CASK: variants seen among roughly 807,000 people sequenced by gnomAD.
CASK encodes calcium/calmodulin dependent serine protein kinase, also known as peripheral plasma membrane protein CASK.
Under a neutral mutation model 82.9 loss-of-function variants are expected in CASK, and 4 were observed. That is an observed-to-expected ratio of 0.05 (90% CI 0.02 to 0.11). The LOEUF (loss-of-function observed/expected upper bound fraction) is 0.11. Among genes scored for constraint, CASK ranks in the 10% least tolerant of loss-of-function variants. The pLI, the probability that CASK is intolerant of heterozygous loss-of-function variation, is 1.00. For synonymous variants in CASK, 259 were observed against 253.5 expected (o/e 1.02, Z -0.20); for missense variants, 358 against 720.9 (o/e 0.50, Z 5.76).
At chrX:41,640,879 AT>A (rs1343865398) in intron 8 of CASK, among the ~76,000 whole-genome samples, 1 of 109,362 alleles carries the variant, frequency 9.1e-6, no homozygotes, top group Admixed American at 1.0e-4. Flanking sequence ...GTCAAAATGT[AT>A]TTTTTTAAAT....
chrX:41,679,229 T>C (rs1329983822), intron 5 of CASK, among the ~76,000 whole-genome samples: 2 of 111,940 alleles, frequency 1.8e-5, no homozygotes, highest in Non-Finnish European at 3.8e-5. Context: ...AAAAAATTCA[T>C]TATCCCACAA....
chrX:41,604,110 TAATTAATGGATGACAG>T (rs1370476827), intron 12 of CASK, among the ~76,000 whole-genome samples: 4 of 109,410 alleles, frequency 3.7e-5, no homozygotes, highest in African/African-American at 6.7e-5. Context: ...CAATAAAGCA[TAATTAATGGATGACAG>T]GGTAACATTT....
At chrX:41,746,059 T>C (rs1052823625) in intron 3 of CASK, among the ~76,000 whole-genome samples, 1 of 112,223 alleles carries the variant, frequency 8.9e-6, no homozygotes, top group Non-Finnish European at 1.9e-5. Context: ...CAATGACATA[T>C]ATAAAATAAA....
intron 1 of CASK, among the ~76,000 whole-genome samples, chrX:41,912,300 G>GTTTTTTTTT (rs774775542): frequency 1.3e-4 from 7 of 53,167 alleles, no homozygotes; most frequent in Admixed American, 5.1e-4. Context: ...TTTGTTTTCT[G>GTTTTTTTTT]TTTTTTTTTT....
At chrX:41,641,029 A>G (rs1338603557) in intron 8 of CASK, among the ~76,000 whole-genome samples, 1 of 82,127 alleles carries the variant, frequency 1.2e-5, no homozygotes, top group Non-Finnish European at 2.2e-5. Context: ...CTTGTTGCCC[A>G]GGCTGGAGTG....
chrX:41,791,081 T>C lies in CASK; in HGVS notation c.173-3798A>G, dbSNP rs765061190. ...TTACCATCTCTATTTTGAAGTATTG[T>C]TTTGTTTACAGACTAGTAACTGGTA... On this transcript the variant is annotated intron_variant, in intron 2 of 26. Coordinates refer to ENST00000378163, the MANE Select transcript of CASK (RefSeq NM_001367721.1). Among the ~76,000 whole-genome samples the C allele has an allele frequency of 1.2e-3, 129 of 111,531 alleles. 1 individual carries two copies. The highest frequency in any genetic ancestry group is 4.6e-3 in the Middle Eastern group (1 of 216).
chrX:41,549,928 G>C (rs1307407747), intron 21 of CASK, among the ~76,000 whole-genome samples: 1 of 110,574 alleles, frequency 9.0e-6, no homozygotes, highest in Non-Finnish European at 1.9e-5. Flanking sequence ...GGGAGGCTGA[G>C]GCAGGCAGAT....
intron 8 of CASK, 63 bp from the exon 9 acceptor site, chrX:41,636,724 A>G: frequency 1.5e-6 from 1 of 683,307 alleles, no homozygotes. Flanking sequence ...AGCTTAATCT[A>G]AAACAAATAA....
rs754649308 is a variant in CASK, at chrX:41,865,957, C to T, written c.60-12730G>A. ...TCTCCTTAAGCCATGAGGTGGAGGG[C>T]AGGAAGACACATGGCTTCGCTGCGG... On this transcript the variant is annotated intron_variant, in intron 1 of 26. Transcript: ENST00000378163. 9.8e-5 allele frequency among the ~76,000 whole-genome samples: 11 copies of T among 112,173 alleles called. No individual in the cohort carries two copies. The East Asian group carries it at 2.5e-3, about 26-fold the overall frequency.
chrX:41,602,735 T>C (rs2065910243), intron 12 of CASK, among the ~76,000 whole-genome samples: 1 of 107,701 alleles, frequency 9.3e-6, no homozygotes, highest in Admixed American at 9.9e-5. Flanking sequence ...TTTTTTTTTT[T>C]TGCTAAGTTT....
intron 1 of CASK, among the ~76,000 whole-genome samples, chrX:41,921,450 AAATT>A (rs1274978534): frequency 8.9e-6 from 1 of 112,356 alleles, no homozygotes; most frequent in Non-Finnish European, 1.9e-5. Flanking sequence ...TATTTTATTA[AAATT>A]AATTGCACCT....
intron 5 of CASK, among the ~76,000 whole-genome samples, chrX:41,693,470 C>T (rs1331466330): frequency 1.4e-4 from 15 of 110,112 alleles, no homozygotes; most frequent in Non-Finnish European, 2.7e-4. Context: ...AAAAATTAGC[C>T]GGGCATGGTG....
Position 41,665,851 on chromosome X carries a change from T to C in CASK, c.533-399A>G, listed in dbSNP as rs1471585957. The C allele has an allele frequency of 3.2e-5, 4 of 126,659 alleles. No homozygotes were observed. The South Asian group carries it at 9.0e-4, about 29-fold the overall frequency. The allele number at this position is 126,659 out of a possible 1,213,427, so 10.4% of individuals were successfully genotyped here. A position where few individuals can be genotyped will look rare whatever the true frequency, so the allele number is the denominator to read the frequency against. On this transcript the variant is annotated intron_variant, in intron 6 of 26. Transcript: ENST00000378163. ...GAGCCTGTAGCTGTCCAGGAAAGAG[T>C]TGGGAGGCCTACCCTGGGCAGAGGC...
intron 11 of CASK, among the ~76,000 whole-genome samples, chrX:41,611,933 G>A (rs1338783717): frequency 1.4e-4 from 16 of 111,714 alleles, no homozygotes; most frequent in Middle Eastern, 4.7e-3. Context: ...GCTCCTAACC[G>A]CGAGTGATCC....
At chrX:41,723,186 C>T (rs1223942499) in intron 5 of CASK, among the ~76,000 whole-genome samples, 1 of 112,030 alleles carries the variant, frequency 8.9e-6, no homozygotes, top group African/African-American at 3.2e-5. Context: ...TGAGAAATGG[C>T]AAGGTACTTC....
chrX:41,899,176 TG>T (rs1187704050), intron 1 of CASK, among the ~76,000 whole-genome samples: 1 of 111,892 alleles, frequency 8.9e-6, no homozygotes, highest in East Asian at 2.8e-4. Flanking sequence ...TTATCCTTTT[TG>T]TCTCTTGTGA....
intron 10 of CASK, among the ~76,000 whole-genome samples, chrX:41,625,210 G>GAAGGGAAA (rs1199218599): frequency 1.0e-5 from 1 of 95,887 alleles, no homozygotes; most frequent in African/African-American, 3.9e-5. Flanking sequence ...TTTTGAGACG[G>GAAGGGAAA]AGTCTCACTC....
chrX:41,778,809 T>C (rs1208705041), intron 3 of CASK, among the ~76,000 whole-genome samples: 1 of 109,501 alleles, frequency 9.1e-6, no homozygotes, highest in Non-Finnish European at 1.9e-5. Flanking sequence ...TACAAAAATC[T>C]GACCACCTAA....
At chrX:41,641,540 A>G (rs2066653570) in intron 8 of CASK, among the ~76,000 whole-genome samples, 1 of 111,900 alleles carries the variant, frequency 8.9e-6, no homozygotes, top group African/African-American at 3.2e-5. Context: ...ATTCACACCA[A>G]GTATCATTAA....
Sources: allele counts gnomAD v4.1 joint callset (sites outside exome capture counted in the v4.1 genomes callset), GRCh38; gene constraint gnomAD v4.1.1; transcripts MANE v1.5; gene names NCBI Gene and HGNC (gene_info 2026-07-23, HGNC 2026-07-21).